Variants in RAP1GAP2 observed in about 807,000 individuals in gnomAD.
RAP1GAP2 encodes the protein RAP1 GTPase activating protein 2.
A neutral mutation model predicts 95.0 loss-of-function variants in RAP1GAP2; 27 were observed. The ratio of observed to expected loss-of-function variants is 0.28; its 90% confidence interval spans 0.21 to 0.39. The LOEUF (loss-of-function observed/expected upper bound fraction) is 0.39, where lower values mean the gene tolerates loss of function less well. Among genes scored for constraint, RAP1GAP2 ranks in the 10% least tolerant of loss-of-function variants. The probability of loss-of-function intolerance (pLI) is 1.00; values close to 1 mark genes in which losing one functional copy is unlikely to be tolerated. For synonymous variants in RAP1GAP2, 373 were observed against 380.9 expected (o/e 0.98, Z 0.24); for missense variants, 771 against 970.0 (o/e 0.79, Z 2.72).
rs528277846 is a variant in RAP1GAP2 at position 2,913,432 on chromosome 17, G to A, written c.165+8064G>A. Among the ~76,000 whole-genome samples, 4 of 152,106 alleles carry A rather than the reference G, an allele frequency of 2.6e-5. No homozygotes were observed. The South Asian group carries it at 8.3e-4, about 32-fold the overall frequency. On this transcript the variant is annotated intron_variant, in intron 3 of 24. Coordinates refer to ENST00000254695, the MANE Select transcript of RAP1GAP2 (RefSeq NM_015085.5). The stretch of plus-strand genomic sequence containing the variant: ...GCCTCCCGAGTAGCTGGGATTACAG[G>A]CACACGCCACCATGCCCAGCTAATT...
intron 2 of RAP1GAP2, among the ~76,000 whole-genome samples, chr17:2,806,308 A>G (rs914714121): frequency 2.0e-5 from 3 of 152,022 alleles, no homozygotes; most frequent in African/African-American, 7.3e-5. Context: ...CAGCTGCTGG[A>G]GACATTGTCC....
rs144967742 is a variant in RAP1GAP2, at chr17:2,877,877, A to T, written c.81-27407A>T. Among the ~76,000 whole-genome samples, 6 of 152,256 alleles carry T rather than the reference A, an allele frequency of 3.9e-5. No individual in the cohort carries two copies. In the East Asian group the frequency reaches 1.2e-3, roughly 29 times the overall value. On this transcript the variant is annotated intron_variant, in intron 2 of 24. Transcript: ENST00000254695. ...GGTTGACATTTTGGAAGGTCCCTGTAGCTCCTGGGGGAGACAGTTTGGGAG... is the reference window on the plus strand; with the variant it reads ...GGTTGACATTTTGGAAGGTCCCTGTTGCTCCTGGGGGAGACAGTTTGGGAG...
intron 2 of RAP1GAP2, among the ~76,000 whole-genome samples, chr17:2,880,581 C>T (rs2073247796): frequency 6.6e-6 from 1 of 151,796 alleles, no homozygotes; most frequent in East Asian, 1.9e-4. Flanking sequence ...CTACCATTCT[C>T]CAGACCATGT....
In RAP1GAP2 at chr17:2,904,225, C is replaced by T. The variant is rs1429241987; in HGVS notation, c.81-1059C>T. ...GTTCAGGACACTGGAGTCCCTCACC[C>T]GGGAATTCCCCAGGCTCTGCCCAGC... On this transcript the variant is annotated intron_variant, in intron 2 of 24. Transcript: ENST00000254695. The surrounding 1 kb of genome is among the most constrained non-coding windows in gnomAD (Gnocchi z 4.7). 2.0e-5 allele frequency among the ~76,000 whole-genome samples: 3 copies of T among 152,252 alleles called. No homozygotes were observed. The highest frequency in any genetic ancestry group is 2.4e-5 in the African/African-American group (1 of 41,566).
chr17:2,764,212 ATT>A (rs1264502846), intron 1 of RAP1GAP2, among the ~76,000 whole-genome samples: 7 of 148,148 alleles, frequency 4.7e-5, no homozygotes, highest in Non-Finnish European at 6.0e-5. Context: ...CGGGTGGATC[ATT>A]TGAGGTCAGG....
intron 8 of RAP1GAP2, among the ~76,000 whole-genome samples, chr17:2,969,496 CTT>C (rs34468461): frequency 0.011 from 896 of 83,700 alleles, 4 homozygotes; most frequent in African/African-American, 0.013. Context: ...TATATATATT[CTT>C]TTTTTTTTTT....
At chr17:2,885,602 G>C (rs542811975) in intron 2 of RAP1GAP2, among the ~76,000 whole-genome samples, 62 of 152,324 alleles carry the variant, frequency 4.1e-4, no homozygotes, top group African/African-American at 1.4e-3. Context: ...CCCTTTGGCA[G>C]CTCCTCGCAT....
rs550653292 is a variant in RAP1GAP2, at chr17:2,906,470, C to CG, written c.165+1109dup. Among the ~76,000 whole-genome samples the CG allele has an allele frequency of 2.5e-3, 363 of 143,202 alleles. 2 individuals are homozygous for CG. The highest frequency in any genetic ancestry group is 7.7e-3 in the African/African-American group (309 of 40,012). The allele number at this position is 143,202 out of a possible 152,430, so 93.9% of individuals were successfully genotyped here. ...GGTGGGTTAAGTGGTCAGCGGTGGG[C>CG]GGGGGGGCAGGACAGGGTGCAGGGC... On this transcript the variant is annotated intron_variant, in intron 3 of 24. Transcript: ENST00000254695. The surrounding 1 kb of genome is among the most constrained non-coding windows in gnomAD (Gnocchi z 4.3).
chr17:2,934,984 G>A (rs1399647499), intron 3 of RAP1GAP2, among the ~76,000 whole-genome samples: 1 of 152,172 alleles, frequency 6.6e-6, no homozygotes, highest in East Asian at 1.9e-4. Context: ...AGGGAAGACG[G>A]GTGGGATTTG....
intron 3 of RAP1GAP2, among the ~76,000 whole-genome samples, chr17:2,953,979 A>G (rs2044014330): frequency 6.6e-6 from 1 of 152,188 alleles, no homozygotes; most frequent in Admixed American, 6.6e-5. Context: ...CCTTTTAGCT[A>G]TCACCTTCCA....
intron 4 of RAP1GAP2, among the ~76,000 whole-genome samples, chr17:2,960,441 G>A (rs1292017274): frequency 2.0e-5 from 3 of 152,228 alleles, no homozygotes; most frequent in African/African-American, 7.2e-5. Flanking sequence ...CCTGTTCAGT[G>A]GGAACGGCCC....
rs1368770923 is a variant in RAP1GAP2, at chr17:2,867,024, C to T, written c.81-38260C>T. 3.9e-5 allele frequency among the ~76,000 whole-genome samples: 6 copies of T among 152,052 alleles called. No individual in the cohort carries two copies. The highest frequency in any genetic ancestry group is 1.3e-4 in the Admixed American group (2 of 15,248). On this transcript the variant is annotated intron_variant, in intron 2 of 24. Transcript: ENST00000254695. This position sits in a 1 kb window ranked among gnomAD's most constrained non-coding sequence, Gnocchi z 4.5. ...CGAATGATTCTTCTGCCTCATTCTC[C>T]CAAGTAGCTGGGATTACAGGTGCCC...
intron 2 of RAP1GAP2, among the ~76,000 whole-genome samples, chr17:2,837,572 A>G (rs2151562172): frequency 6.6e-6 from 1 of 150,644 alleles, no homozygotes; most frequent in South Asian, 2.1e-4. Context: ...GTCAGTGTCC[A>G]CAGGACCATC....
rs190531626 is a variant in RAP1GAP2 at position 2,762,027 on chromosome 17, T to C, written c.50+6260T>C. Reference sequence around the variant, plus strand: ...TTTTTGAGACGGAGTCTTGCTCTGTTGCCCATGCTGGAGCACAGTGGTGCA... The same window carrying C: ...TTTTTGAGACGGAGTCTTGCTCTGTCGCCCATGCTGGAGCACAGTGGTGCA... On this transcript the variant is annotated intron_variant, in intron 1 of 25. Transcript: ENST00000637138. Among the ~76,000 whole-genome samples, 999 of 139,942 alleles carry C rather than the reference T, an allele frequency of 7.1e-3. 7 individuals carry two copies. The highest frequency in any genetic ancestry group is 0.011 in the Non-Finnish European group (729 of 66,062). 91.8% of individuals were successfully genotyped at this position (139,942 alleles called of 152,430 possible).
chr17:2,910,394 C>CCCAGGTTATTATAGCA (rs1181765860), intron 3 of RAP1GAP2, among the ~76,000 whole-genome samples: 1 of 152,200 alleles, frequency 6.6e-6, no homozygotes, highest in Non-Finnish European at 1.5e-5. Flanking sequence ...GTTGACACAT[C>CCCAGGTTATTATAGCA]CCAGGTTATT....
At chr17:2,781,600 G>A in intron 1 of RAP1GAP2, among the ~76,000 whole-genome samples, 1 of 149,014 alleles carries the variant, frequency 6.7e-6, no homozygotes, top group East Asian at 1.9e-4. Context: ...ACGTCTCTGT[G>A]TGTGCAGGTC....
chr17:2,982,525 G>A (rs1179290800), intron 10 of RAP1GAP2, among the ~76,000 whole-genome samples: 5 of 152,200 alleles, frequency 3.3e-5, no homozygotes, highest in Non-Finnish European at 7.3e-5. Flanking sequence ...GAATGGCGGA[G>A]TCCTTTCCTG....
intron 12 of RAP1GAP2, among the ~76,000 whole-genome samples, chr17:2,993,054 CA>C (rs1157432511): frequency 0.011 from 1,167 of 103,002 alleles, 8 homozygotes; most frequent in African/African-American, 0.018. Context: ...ACTAAAAATA[CA>C]AAAAAAAAAA....
At chr17:2,800,461 T>C (rs1325612554) in intron 1 of RAP1GAP2, 54 bp from the exon 2 acceptor site, 8 of 1,585,202 alleles carry the variant, frequency 5.0e-6, no homozygotes, top group African/African-American at 1.3e-5. Context: ...ACAGATGCTA[T>C]GTAGGAGTCT....
Sources: gnomAD v4.1 joint callset for allele counts (sites outside exome capture counted in the v4.1 genomes callset) on GRCh38, gnomAD v4.1.1 for gene constraint, Gnocchi (gnomAD v3.1) non-coding constraint, MANE v1.5 for transcripts, NCBI Gene and HGNC (gene_info 2026-07-23, HGNC 2026-07-21) for gene names.